VSTM2L: variants seen among roughly 807,000 people sequenced by gnomAD.
VSTM2L encodes V-set and transmembrane domain containing 2 like.
In VSTM2L, 9 loss-of-function variants were observed where a neutral mutation model predicts 19.9. The observed-to-expected ratio is 0.45, with a 90% CI of 0.27 to 0.79. VSTM2L has a LOEUF of 0.79. Among genes scored for constraint, VSTM2L ranks in the 30% least tolerant of loss-of-function variants. The pLI is 0.15. For synonymous variants in VSTM2L, 127 were observed against 133.8 expected, an observed-to-expected ratio of 0.95 and a Z score of 0.35; for missense variants, 286 against 295.5, an observed-to-expected ratio of 0.97 and a Z score of 0.24.
At chr20:37,929,638 A>G (rs1288811866) in intron 1 of VSTM2L, among the ~76,000 whole-genome samples, 1 of 152,076 alleles carries the variant, frequency 6.6e-6, no homozygotes, top group African/African-American at 2.4e-5. Flanking sequence ...TTGGGGAGGA[A>G]GAGTGGAAGC....
At chr20:37,928,050 G>A (rs1306476852) in intron 1 of VSTM2L, among the ~76,000 whole-genome samples, 4 of 152,104 alleles carry the variant, frequency 2.6e-5, no homozygotes, top group Admixed American at 1.3e-4. Flanking sequence ...TCTGATTTCC[G>A]TGGCTCAGGC....
Position 37,944,069 on chromosome 20 carries a change from T to C in VSTM2L, c.431T>C (p.Val144Ala). ...PTDEGTYECR[V>A]IDFSDGKARH... is the part of the protein sequence containing the mutation. ...GACGAAGGCACCTACGAGTGCCGCGTCATCGACTTCAGCGACGGCAAGGCC... is the reference window on the plus strand; with the variant it reads ...GACGAAGGCACCTACGAGTGCCGCGCCATCGACTTCAGCGACGGCAAGGCC... Residue 144 changes from valine (V) to alanine (A), a missense_variant, in exon 4 of 4, where the codon GTC becomes GCC. Coordinates refer to ENST00000373461, the MANE Select transcript of VSTM2L (RefSeq NM_080607.3). 6.2e-7 allele frequency: 1 copy of C among 1,612,858 alleles called. No homozygotes were observed. The highest frequency in any genetic ancestry group is 8.5e-7 in the Non-Finnish European group (1 of 1,179,266).
At chr20:37,917,921 A>G (rs1387778629) in intron 1 of VSTM2L, among the ~76,000 whole-genome samples, 1 of 152,222 alleles carries the variant, frequency 6.6e-6, no homozygotes, top group African/African-American at 2.4e-5. Flanking sequence ...TCTATATTCT[A>G]TCCCATAATA....
chr20:37,933,202 G>T (rs758311068), intron 2 of VSTM2L, among the ~76,000 whole-genome samples: 3 of 152,216 alleles, frequency 2.0e-5, no homozygotes, highest in Non-Finnish European at 4.4e-5. Flanking sequence ...GTACAAACAT[G>T]CTCCTAGCAA....
intron 2 of VSTM2L, 92 bp from the exon 3 acceptor site, chr20:37,933,447 C>A (rs748197677): frequency 7.8e-5 from 81 of 1,038,610 alleles, no homozygotes; most frequent in Non-Finnish European, 1.0e-4. Context: ...TTGTCCGTAT[C>A]CCTATAATGT....
intron 3 of VSTM2L, among the ~76,000 whole-genome samples, chr20:37,934,344 T>C (rs1220412671): frequency 1.3e-5 from 2 of 151,620 alleles, no homozygotes; most frequent in African/African-American, 4.9e-5. Flanking sequence ...GGAGAGAACA[T>C]GGAGTGGAGG....
At chr20:37,936,876 T>C (rs1027708189) in intron 3 of VSTM2L, among the ~76,000 whole-genome samples, 2 of 151,870 alleles carry the variant, frequency 1.3e-5, no homozygotes, top group African/African-American at 4.8e-5. Flanking sequence ...AATTTGTGAC[T>C]CGTAAAACTC....
At position 37,903,368 on chromosome 20, in the gene VSTM2L, C is replaced by T. The variant is rs992766684; in HGVS notation, c.18C>T (p.Ala6=). The T allele has an allele frequency of 2.7e-6, 4 of 1,478,288 alleles. No homozygotes were observed. Among genetic ancestry groups the T allele is most frequent in the African/African-American group, 2.9e-5 (2 of 68,320 alleles). The allele number at this position is 1,478,288 out of a possible 1,614,324, so 91.6% of individuals were successfully genotyped here. MGAPL[A]VALGALHYLA... ...AGCGCACGATGGGGGCCCCGCTCGC[C>T]GTAGCGCTGGGCGCCCTCCACTACC... The change falls in exon 1 of 4, where the codon GCC becomes GCT. Residue 6 remains alanine (A), a synonymous_variant. Coordinates refer to ENST00000373461, the MANE Select transcript of VSTM2L (RefSeq NM_080607.3).
chr20:37,904,257 G>A (rs1263617644), intron 1 of VSTM2L, among the ~76,000 whole-genome samples: 1 of 152,244 alleles, frequency 6.6e-6, no homozygotes, highest in Non-Finnish European at 1.5e-5. Flanking sequence ...GGGAGTGGAA[G>A]TGGAATGCCG....
In VSTM2L at chr20:37,944,293, A is replaced by G; in HGVS notation, c.*40A>G. The G allele has an allele frequency of 7.0e-7, 1 of 1,427,116 alleles. No individual in the cohort carries two copies. Among genetic ancestry groups the G allele is most frequent in the Non-Finnish European group, 9.2e-7 (1 of 1,085,734 alleles). The allele number at this position is 1,427,116 out of a possible 1,614,324, so 88.4% of individuals were successfully genotyped here. A position where few individuals can be genotyped will look rare whatever the true frequency, so the allele number is the denominator to read the frequency against. ...CCCCGCCCATCCGCCCCCACGCTGTACAGAGTGCATGAGGAGCCGCCGGAC... is the reference window on the plus strand; with the variant it reads ...CCCCGCCCATCCGCCCCCACGCTGTGCAGAGTGCATGAGGAGCCGCCGGAC... On this transcript the variant is annotated 3_prime_UTR_variant, in exon 4 of 4. Coordinates refer to ENST00000373461, the MANE Select transcript of VSTM2L (RefSeq NM_080607.3).
rs150645578 is a variant in VSTM2L at position 37,944,046 on chromosome 20, C to T, written c.408C>T (p.Asp136=). 92 of 1,611,006 alleles carry T rather than the reference C, an allele frequency of 5.7e-5. No homozygotes were observed. The highest frequency in any genetic ancestry group is 7.0e-5 in the Non-Finnish European group (82 of 1,177,842). ...KLRLSRVKPT[D]EGTYECRVID... Reference sequence around the variant, plus strand: ...GCCTGTCCCGGGTGAAGCCCACGGACGAAGGCACCTACGAGTGCCGCGTCA... The same window carrying T: ...GCCTGTCCCGGGTGAAGCCCACGGATGAAGGCACCTACGAGTGCCGCGTCA... Residue 136 remains aspartate (D), a synonymous_variant, in exon 4 of 4, where the codon GAC becomes GAT. Coordinates refer to ENST00000373461, the MANE Select transcript of VSTM2L (RefSeq NM_080607.3).
At position 37,944,681 on chromosome 20, in the gene VSTM2L, G is replaced by A; in HGVS notation, c.*428G>A. The stretch of plus-strand genomic sequence containing the variant: ...TCACTTGGACCTGGGGGTGTGGACA[G>A]TGACCCCTCCCTGAATATGGACTTG... On this transcript the variant is annotated 3_prime_UTR_variant, in exon 4 of 4. Transcript: ENST00000373461. The A allele has an allele frequency of 1.0e-6, 1 of 999,756 alleles. No individual in the cohort carries two copies. The highest frequency in any genetic ancestry group is 1.2e-6 in the Non-Finnish European group (1 of 840,132). 61.9% of individuals were successfully genotyped at this position (999,756 alleles called of 1,614,324 possible). A position where few individuals can be genotyped will look rare whatever the true frequency, so the allele number is the denominator to read the frequency against.
rs2072733260 is a variant in VSTM2L, at chr20:37,903,487, G to A, written c.121+16G>A. On this transcript the variant is annotated intron_variant, in intron 1 of 3. Coordinates refer to ENST00000373461, the MANE Select transcript of VSTM2L (RefSeq NM_080607.3). The stretch of plus-strand genomic sequence containing the variant: ...TCCGGCCACGGTGAGTTCGGTCGCC[G>A]CCCCCGCGGACTTCCCCACCAAACC... The A allele has an allele frequency of 1.4e-6, 2 of 1,464,750 alleles. No homozygotes were observed. The highest frequency in any genetic ancestry group is 1.8e-6 in the Non-Finnish European group (2 of 1,113,684). 90.7% of individuals were successfully genotyped at this position (1,464,750 alleles called of 1,614,324 possible).
intron 1 of VSTM2L, among the ~76,000 whole-genome samples, chr20:37,926,901 C>T (rs2072882155): frequency 6.6e-6 from 1 of 152,244 alleles, no homozygotes; most frequent in Non-Finnish European, 1.5e-5. Context: ...TGAAAGGTGC[C>T]ATGAACATGT....
intron 3 of VSTM2L, among the ~76,000 whole-genome samples, chr20:37,937,144 C>A (rs568533491): frequency 6.6e-6 from 1 of 152,040 alleles, no homozygotes; most frequent in African/African-American, 2.4e-5. Context: ...TCGCTTGAAC[C>A]CAGGAGGCAG....
At chr20:37,908,349 G>T (rs2072762097) in intron 1 of VSTM2L, among the ~76,000 whole-genome samples, 1 of 152,218 alleles carries the variant, frequency 6.6e-6, no homozygotes, top group Non-Finnish European at 1.5e-5. Context: ...GGCTGTGGGG[G>T]CAGGAGATGG....
In VSTM2L at chr20:37,944,380, A is replaced by G; in HGVS notation, c.*127A>G. ...ATCCCCGAGGCCGCCTGTGGCCACC[A>G]TGTCGGCCCTCTTTCCACCACCCCT... is the stretch of plus-strand genomic sequence containing the variant. On this transcript the variant is annotated 3_prime_UTR_variant, in exon 4 of 4. Transcript: ENST00000373461. The G allele has an allele frequency of 7.8e-7, 1 of 1,277,388 alleles. No homozygotes were observed. Among genetic ancestry groups the G allele is most frequent in the Non-Finnish European group, 1.0e-6 (1 of 984,778 alleles). The allele number at this position is 1,277,388 out of a possible 1,614,324, so 79.1% of individuals were successfully genotyped here. A position where few individuals can be genotyped will look rare whatever the true frequency, so the allele number is the denominator to read the frequency against.
chr20:37,945,005 G>T lies in VSTM2L; in HGVS notation c.*752G>T, dbSNP rs1204762885. 1 of 985,670 alleles carries T rather than the reference G, an allele frequency of 1.0e-6. No individual in the cohort carries two copies. The highest frequency in any genetic ancestry group is 1.2e-6 in the Non-Finnish European group (1 of 829,922). 61.1% of individuals were successfully genotyped at this position (985,670 alleles called of 1,614,324 possible). A position where few individuals can be genotyped will look rare whatever the true frequency, so the allele number is the denominator to read the frequency against. On this transcript the variant is annotated 3_prime_UTR_variant, in exon 4 of 4. Coordinates refer to ENST00000373461, the MANE Select transcript of VSTM2L (RefSeq NM_080607.3). ...CAGGACCCCTTTGAGGGCCTTCAAG[G>T]CTCTCCCAGGAGTCCCCCTCTGCCG...
intron 1 of VSTM2L, among the ~76,000 whole-genome samples, chr20:37,911,748 T>G (rs2072781269): frequency 6.6e-6 from 1 of 152,356 alleles, no homozygotes; most frequent in Admixed American, 6.5e-5. Context: ...GCTGGGTGAC[T>G]TGGCATGTCC....
Sources: allele counts gnomAD v4.1 joint callset (sites outside exome capture counted in the v4.1 genomes callset), GRCh38; gene constraint gnomAD v4.1.1; transcripts MANE v1.5; gene names NCBI Gene and HGNC (gene_info 2026-07-23, HGNC 2026-07-21).